The following DCC variants were observed in gnomAD, a reference collection of about 807,000 sequenced individuals.
DCC encodes netrin receptor DCC.
In DCC, 58 loss-of-function variants were observed where a neutral mutation model predicts 172.5. The ratio of observed to expected loss-of-function variants is 0.34; its 90% confidence interval spans 0.27 to 0.42. DCC has a LOEUF of 0.42. DCC is among the 10% of genes least tolerant of loss of function. DCC has a pLI of 1.00. For missense variants in DCC, 1,740 were observed against 1,791.0 expected, an observed-to-expected ratio of 0.97 and a Z score of 0.51; for synonymous variants, 709 against 644.5, an observed-to-expected ratio of 1.10 and a Z score of -1.52.
intron 12 of DCC, among the ~76,000 whole-genome samples, chr18:53,241,472 C>G (rs1022796822): frequency 1.3e-5 from 2 of 152,128 alleles, no homozygotes; most frequent in African/African-American, 2.4e-5. Flanking sequence ...TGAGGGAGCT[C>G]TGAACCAAAG....
chr18:53,090,669 G>T (rs2042989557), intron 7 of DCC, among the ~76,000 whole-genome samples: 1 of 107,766 alleles, frequency 9.3e-6, no homozygotes, highest in Non-Finnish European at 1.8e-5. Context: ...ACTCCAGCCT[G>T]GGTGACAGAG....
chr18:53,297,707 C>T (rs1278683120), intron 12 of DCC, among the ~76,000 whole-genome samples: 1 of 152,130 alleles, frequency 6.6e-6, no homozygotes, highest in Non-Finnish European at 1.5e-5. Flanking sequence ...AAATAGGTCT[C>T]ATATAGAAAA....
intron 12 of DCC, among the ~76,000 whole-genome samples, chr18:53,234,999 G>A (rs895774446): frequency 6.6e-6 from 1 of 152,100 alleles, no homozygotes; most frequent in Non-Finnish European, 1.5e-5. Flanking sequence ...AACCTCATGA[G>A]GATGGGTGCC....
intron 15 of DCC, among the ~76,000 whole-genome samples, chr18:53,343,975 G>T (rs1478573411): frequency 6.6e-6 from 1 of 151,844 alleles, no homozygotes; most frequent in Non-Finnish European, 1.5e-5. Context: ...GTTATTAACT[G>T]ATTTTTCATT....
chr18:53,217,308 TATACAC>T (rs2055869002), intron 12 of DCC, among the ~76,000 whole-genome samples: 2 of 103,044 alleles, frequency 1.9e-5, no homozygotes, highest in African/African-American at 9.6e-5. Flanking sequence ...CACATATGTA[TATACAC>T]ACACACACAC....
Position 53,532,823 on chromosome 18 carries a change from A to C in DCC, c.*2170A>C, listed in dbSNP as rs1171185705. ...CTATAGAATGAAGTTGACCAATTAAAAAAAAAAAAAAAACCTATCATTTTC... is the reference window on the plus strand; with the variant it reads ...CTATAGAATGAAGTTGACCAATTAACAAAAAAAAAAAAACCTATCATTTTC... On this transcript the variant is annotated 3_prime_UTR_variant, in exon 29 of 29. Coordinates refer to ENST00000442544, the MANE Select transcript of DCC (RefSeq NM_005215.4). 2 of 79,912 alleles carry C rather than the reference A, an allele frequency of 2.5e-5. No homozygotes were observed. Among genetic ancestry groups the C allele is most frequent in the South Asian group, 9.6e-4 (2 of 2,088 alleles). 5.0% of individuals were successfully genotyped at this position (79,912 alleles called of 1,614,324 possible).
At position 52,446,547 on chromosome 18, in the gene DCC, T is replaced by G. The variant is rs372549712; in HGVS notation, c.91+105669T>G. On this transcript the variant is annotated intron_variant, in intron 1 of 28. Coordinates refer to ENST00000442544, the MANE Select transcript of DCC (RefSeq NM_005215.4). ...AAATGCATTGGAATTGCTTTACTCT[T>G]TAGCAGATAATCCTAAAGAATACTT... 9.2e-4 allele frequency among the ~76,000 whole-genome samples: 140 copies of G among 152,350 alleles called. 3 individuals carry two copies. In the South Asian group the frequency reaches 0.023, roughly 25 times the overall value.
intron 5 of DCC, among the ~76,000 whole-genome samples, chr18:53,055,400 A>G (rs984924740): frequency 6.6e-6 from 1 of 152,194 alleles, no homozygotes; most frequent in Non-Finnish European, 1.5e-5. Flanking sequence ...AGAGCACCCA[A>G]GCACATTCCC....
intron 1 of DCC, among the ~76,000 whole-genome samples, chr18:52,747,867 T>C (rs1193747865): frequency 1.3e-5 from 2 of 152,208 alleles, no homozygotes; most frequent in South Asian, 2.1e-4. Flanking sequence ...CTGTGTGCAA[T>C]ACAAGGAAGT....
chr18:52,818,692 T>C (rs372144007), intron 2 of DCC, among the ~76,000 whole-genome samples: 5 of 152,194 alleles, frequency 3.3e-5, no homozygotes, highest in African/African-American at 1.2e-4. Context: ...TGAGATTCTA[T>C]TGGACTATCT....
At chr18:52,374,401 A>C (rs1433146102) in intron 1 of DCC, among the ~76,000 whole-genome samples, 1 of 152,138 alleles carries the variant, frequency 6.6e-6, no homozygotes, top group Non-Finnish European at 1.5e-5. Flanking sequence ...CTCCAGAACA[A>C]GTATGTTCAG....
chr18:53,339,932 T>A, intron 15 of DCC, 25 bp downstream of exon 15: 2 of 1,584,764 alleles, frequency 1.3e-6, no homozygotes, highest in South Asian at 2.2e-5. Flanking sequence ...TTTTTTTTAT[T>A]CTATTAAGGG....
At chr18:53,115,165 G>T (rs2043391726) in intron 7 of DCC, among the ~76,000 whole-genome samples, 1 of 151,556 alleles carries the variant, frequency 6.6e-6, no homozygotes, top group South Asian at 2.1e-4. Flanking sequence ...GATTATTGGT[G>T]GTAATTTGTT....
intron 26 of DCC, among the ~76,000 whole-genome samples, chr18:53,493,807 T>C (rs2045987129): frequency 6.6e-6 from 1 of 152,184 alleles, no homozygotes; most frequent in African/African-American, 2.4e-5. Context: ...TCTGCTAGCT[T>C]TTTCCTGTCT....
At chr18:52,590,750 T>A (rs186885131) in intron 1 of DCC, among the ~76,000 whole-genome samples, 68 of 152,376 alleles carry the variant, frequency 4.5e-4, no homozygotes, top group African/African-American at 1.6e-3. Flanking sequence ...TTTCTGTGCT[T>A]AGCACAAAGT....
rs1427703307 is a variant in DCC at position 52,944,561 on chromosome 18, T to TA, written c.985+19197dup. On this transcript the variant is annotated intron_variant, in intron 5 of 28. Coordinates refer to ENST00000442544, the MANE Select transcript of DCC (RefSeq NM_005215.4). ...AAGTGACAGGAGAAGGAGTGGGAGGTAAAAAATGTATTAAAAAGCAAAAGA... is the reference window on the plus strand; with the variant it reads ...AAGTGACAGGAGAAGGAGTGGGAGGTAAAAAAATGTATTAAAAAGCAAAAGA... 3.3e-5 allele frequency among the ~76,000 whole-genome samples: 5 copies of TA among 151,670 alleles called. No individual in the cohort carries two copies. In the East Asian group the frequency reaches 5.8e-4, roughly 18 times the overall value.
intron 19 of DCC, among the ~76,000 whole-genome samples, chr18:53,407,211 C>A (rs1418444642): frequency 6.6e-6 from 1 of 152,080 alleles, no homozygotes; most frequent in East Asian, 1.9e-4. Context: ...TTTCCAGTTT[C>A]ATCATGCACT....
At chr18:52,469,711 TA>T (rs1988891856) in intron 1 of DCC, among the ~76,000 whole-genome samples, 1 of 152,206 alleles carries the variant, frequency 6.6e-6, no homozygotes, top group Admixed American at 6.5e-5. Context: ...TAAGGCTTTT[TA>T]ATTGCTCATA....
chr18:53,445,354 A>G (rs1047270402), intron 22 of DCC, among the ~76,000 whole-genome samples: 1 of 152,246 alleles, frequency 6.6e-6, no homozygotes. Flanking sequence ...TTAAATCCCC[A>G]ACTATACACT....
Sources: gnomAD v4.1 joint callset for allele counts (sites outside exome capture counted in the v4.1 genomes callset) on GRCh38, gnomAD v4.1.1 for gene constraint, MANE v1.5 for transcripts, NCBI Gene and HGNC (gene_info 2026-07-23, HGNC 2026-07-21) for gene names.